AK9: variants seen among roughly 807,000 people sequenced by gnomAD.
The protein encoded by AK9 is adenylate kinase 9.
AK9 carries 191 observed loss-of-function variants against 239.6 expected under a neutral mutation model. That is an observed-to-expected ratio of 0.80 (90% CI 0.71 to 0.90). The LOEUF is 0.90. Among genes scored for constraint, AK9 ranks in the 40% least tolerant of loss-of-function variants. The probability of loss-of-function intolerance (pLI) is 0.00; values close to 1 mark genes in which losing one functional copy is unlikely to be tolerated. For synonymous variants in AK9, 689 were observed against 721.0 expected (o/e 0.96, Z 0.71); for missense variants, 1,995 against 2,214.7 (o/e 0.90, Z 1.99).
At chr6:109,585,842 T>C in intron 18 of AK9, 74 bp downstream of exon 18, 1 of 1,364,498 alleles carries the variant, frequency 7.3e-7, no homozygotes, top group Non-Finnish European at 9.9e-7. Flanking sequence ...TGGAGAGTTG[T>C]CCGTTCTATA....
chr6:109,501,737 C>A (rs534914699), intron 35 of AK9, among the ~76,000 whole-genome samples: 116 of 152,284 alleles, frequency 7.6e-4, no homozygotes, highest in Non-Finnish European at 1.2e-4. Flanking sequence ...TTAGAATCCC[C>A]AACTCAACTT....
At chr6:109,669,318 A>G (rs1406368785) in intron 5 of AK9, among the ~76,000 whole-genome samples, 2 of 152,084 alleles carry the variant, frequency 1.3e-5, no homozygotes, top group African/African-American at 2.4e-5. Flanking sequence ...TAGGTATACA[A>G]TCATGTCATC....
chr6:109,509,449 T>C, intron 32 of AK9, 69 bp from the exon 33 acceptor site: 1 of 1,338,754 alleles, frequency 7.5e-7, no homozygotes, highest in Non-Finnish European at 1.0e-6. Flanking sequence ...GCAGTTTTGT[T>C]ACATGGGTAT....
chr6:109,679,990 T>C (rs1038027173), intron 1 of AK9, among the ~76,000 whole-genome samples: 1 of 152,116 alleles, frequency 6.6e-6, no homozygotes, highest in Non-Finnish European at 1.5e-5. Flanking sequence ...TCCACAAAGA[T>C]GGGGAGAAAC....
At chr6:109,666,384 G>A (rs941999312) in intron 5 of AK9, among the ~76,000 whole-genome samples, 8 of 152,182 alleles carry the variant, frequency 5.3e-5, no homozygotes, top group African/African-American at 1.7e-4. Context: ...AAGCACAGAT[G>A]AGGAACTCCT....
At chr6:109,590,634 CTA>C (rs1790087514) in intron 17 of AK9, among the ~76,000 whole-genome samples, 1 of 152,092 alleles carries the variant, frequency 6.6e-6, no homozygotes, top group Non-Finnish European at 1.5e-5. Flanking sequence ...TGAGATCTTT[CTA>C]TCTTTTTTAT....
At position 109,633,246 on chromosome 6, in the gene AK9, A is replaced by G; in HGVS notation, c.1011T>C (p.Arg337=). ...CATCTTTTAAATTCACAGGACATGT[A>G]CGTCCCCATTTACTTCTTTGCCATC... ...RYRWQRSKWG[R]TCPVNLKDGN... is the part of the protein sequence containing the mutation. Residue 337 remains arginine (R), a synonymous_variant, in exon 11 of 41, where the codon CGT becomes CGC. Transcript: ENST00000424296. 1 of 1,610,170 alleles carries G rather than the reference A, an allele frequency of 6.2e-7. No homozygotes were observed. The highest frequency in any genetic ancestry group is 8.5e-7 in the Non-Finnish European group (1 of 1,179,292).
intron 8 of AK9, among the ~76,000 whole-genome samples, chr6:109,645,480 C>T (rs1797939815): frequency 6.6e-6 from 1 of 152,256 alleles, no homozygotes; most frequent in South Asian, 2.1e-4. Context: ...CAAGATCCAA[C>T]TGCGAGGCAG....
intron 31 of AK9, 47 bp from the exon 32 acceptor site, chr6:109,514,484 C>A: frequency 7.0e-7 from 1 of 1,420,740 alleles, no homozygotes; most frequent in Non-Finnish European, 9.4e-7. Flanking sequence ...TGAATTTTTA[C>A]AGCACTTCCC....
At chr6:109,657,951 C>T (rs1248515773) in intron 7 of AK9, among the ~76,000 whole-genome samples, 3 of 152,122 alleles carry the variant, frequency 2.0e-5, no homozygotes, top group Admixed American at 2.0e-4. Context: ...TACACACATA[C>T]ATATTTGACT....
chr6:109,508,586 A>G (rs1206328063), intron 33 of AK9, among the ~76,000 whole-genome samples: 2 of 152,108 alleles, frequency 1.3e-5, no homozygotes, highest in Non-Finnish European at 2.9e-5. Context: ...TGAGTAAATC[A>G]GGGGGGTTCT....
chr6:109,662,529 G>A, intron 6 of AK9, 22 bp downstream of exon 6: 1 of 1,475,882 alleles, frequency 6.8e-7, no homozygotes, highest in Non-Finnish European at 9.0e-7. Context: ...TACTCTACTA[G>A]CAAAACAATT....
intron 10 of AK9, among the ~76,000 whole-genome samples, chr6:109,639,195 T>C (rs1294323054): frequency 6.6e-6 from 1 of 152,202 alleles, no homozygotes; most frequent in Admixed American, 6.5e-5. Context: ...TCAAATGATA[T>C]TTCTAGTTCT....
intron 28 of AK9, among the ~76,000 whole-genome samples, chr6:109,531,183 C>T (rs75510907): frequency 4.0e-3 from 603 of 152,258 alleles, no homozygotes; most frequent in Middle Eastern, 0.017. Flanking sequence ...ATTGAGAATT[C>T]AGACCTTAAT....
intron 13 of AK9, among the ~76,000 whole-genome samples, chr6:109,618,828 T>C (rs1048798438): frequency 6.6e-6 from 1 of 152,008 alleles, no homozygotes; most frequent in Non-Finnish European, 1.5e-5. Flanking sequence ...TCAAACAGTC[T>C]GCCCAGTAAG....
intron 17 of AK9, among the ~76,000 whole-genome samples, chr6:109,588,361 G>A (rs1332064476): frequency 2.0e-5 from 3 of 152,036 alleles, no homozygotes; most frequent in East Asian, 1.9e-4. Flanking sequence ...GAGCCACCGC[G>A]CCCGGCTGTT....
intron 8 of AK9, among the ~76,000 whole-genome samples, chr6:109,656,211 G>C (rs902856078): frequency 6.6e-6 from 1 of 152,024 alleles, no homozygotes; most frequent in African/African-American, 2.4e-5. Context: ...TACGCTTTTC[G>C]CTACTTGTAA....
At chr6:109,516,679 A>T in intron 29 of AK9, 37 bp from the exon 30 acceptor site, 1 of 1,460,386 alleles carries the variant, frequency 6.8e-7, no homozygotes, top group Non-Finnish European at 9.3e-7. Flanking sequence ...TATACATATA[A>T]AATATGTAAC....
intron 17 of AK9, among the ~76,000 whole-genome samples, chr6:109,600,919 G>A (rs1471188778): frequency 2.0e-5 from 3 of 152,132 alleles, no homozygotes; most frequent in Non-Finnish European, 2.9e-5. Flanking sequence ...GGGATCAGTG[G>A]TGATATCCCC....
Sources: allele counts gnomAD v4.1 joint callset (sites outside exome capture counted in the v4.1 genomes callset), GRCh38; gene constraint gnomAD v4.1.1; transcripts MANE v1.5; gene names NCBI Gene and HGNC (gene_info 2026-07-23, HGNC 2026-07-21).